The following TRHDE variants were observed in gnomAD, a reference collection of about 807,000 sequenced individuals.
TRHDE encodes thyrotropin-releasing hormone-degrading ectoenzyme.
A neutral mutation model predicts 125.7 loss-of-function variants in TRHDE; 72 were observed. The observed-to-expected ratio is 0.57, with a 90% CI of 0.47 to 0.70. The LOEUF (loss-of-function observed/expected upper bound fraction) is 0.70. Among genes scored for constraint, TRHDE ranks in the 30% least tolerant of loss-of-function variants. TRHDE has a pLI of 0.00. For missense variants in TRHDE, 1,110 were observed against 1,327.1 expected (o/e 0.84, Z 2.54); for synonymous variants, 509 against 509.1 (o/e 1.00, Z 0.00).
chr12:72,620,278 C>G (rs1865133), intron 13 of TRHDE, among the ~76,000 whole-genome samples: 3 of 127,092 alleles, frequency 2.4e-5, no homozygotes, highest in Non-Finnish European at 4.8e-5. Flanking sequence ...TGGCAAAATT[C>G]AAGAAGCACA....
intron 2 of TRHDE, among the ~76,000 whole-genome samples, chr12:72,153,327 C>T (rs933118564): frequency 5.9e-5 from 9 of 152,008 alleles, no homozygotes; most frequent in African/African-American, 2.2e-4. Flanking sequence ...ATCAATTTTG[C>T]TGATCTTTTC....
At chr12:72,302,735 A>G (rs1868280252) in intron 2 of TRHDE, among the ~76,000 whole-genome samples, 1 of 152,120 alleles carries the variant, frequency 6.6e-6, no homozygotes. Flanking sequence ...TGTTAGCTAG[A>G]TGGTAGACAC....
chr12:72,259,703 C>A (rs531976367), intron 2 of TRHDE, among the ~76,000 whole-genome samples: 29 of 152,234 alleles, frequency 1.9e-4, no homozygotes, highest in African/African-American at 6.7e-4. Flanking sequence ...AAGTGGACTC[C>A]CTGTGTGGAG....
intron 3 of TRHDE, among the ~76,000 whole-genome samples, chr12:72,450,174 A>G (rs1421184155): frequency 6.6e-6 from 1 of 152,068 alleles, no homozygotes; most frequent in Non-Finnish European, 1.5e-5. Context: ...GCAATGTACT[A>G]TATTCAGATA....
In TRHDE at chr12:72,110,421, C is replaced by CT. The variant is rs536118705; in HGVS notation, n.279+4679dup. Reference sequence around the variant, plus strand: ...GCTCAGGTCTGATGTCAAAATTCACCTTTTTTTTTTAATTGCCCCACATTT... The same window carrying CT: ...GCTCAGGTCTGATGTCAAAATTCACCTTTTTTTTTTTAATTGCCCCACATTT... On this transcript the variant is annotated intron_variant and non_coding_transcript_variant, in intron 2 of 4. Coordinates refer to the TRHDE transcript ENST00000548156. 1.5e-3 allele frequency among the ~76,000 whole-genome samples: 221 copies of CT among 147,626 alleles called. 5 individuals carry two copies. The East Asian group carries it at 0.017, about 11-fold the overall frequency.
chr12:72,558,288 T>G (rs977377123), intron 7 of TRHDE, among the ~76,000 whole-genome samples: 14 of 152,162 alleles, frequency 9.2e-5, no homozygotes, highest in African/African-American at 3.4e-4. Flanking sequence ...TGGGGAATGA[T>G]TCCTGGAGGA....
rs576752423 is a variant in TRHDE at position 72,293,560 on chromosome 12, A to G, written c.1188+6606A>G. 4.4e-4 allele frequency among the ~76,000 whole-genome samples: 67 copies of G among 152,294 alleles called. 1 individual carries two copies. Among genetic ancestry groups the G allele is most frequent in the African/African-American group, 1.6e-3 (66 of 41,568 alleles). ...TCATATGCTGGAATATGGCTGCCAA[A>G]AGTTCTCAAGTTTTGCATACTAATG... On this transcript the variant is annotated intron_variant, in intron 2 of 18. Transcript: ENST00000261180.
At chr12:72,485,125 G>A (rs1283205355) in intron 5 of TRHDE, among the ~76,000 whole-genome samples, 9 of 152,068 alleles carry the variant, frequency 5.9e-5, no homozygotes, top group East Asian at 1.9e-4. Flanking sequence ...TTCAGTCTTC[G>A]TAGGCTCTGA....
At chr12:72,155,005 A>G (rs970680911) in intron 2 of TRHDE, among the ~76,000 whole-genome samples, 14 of 152,146 alleles carry the variant, frequency 9.2e-5, no homozygotes, top group African/African-American at 2.9e-4. Flanking sequence ...ACTTGGTTCC[A>G]TTCTCCCCGT....
At chr12:72,287,103 AT>A in intron 2 of TRHDE, 149 bp downstream of exon 2, 2 of 895,974 alleles carry the variant, frequency 2.2e-6, no homozygotes, top group Non-Finnish European at 1.6e-6. Context: ...GTTTTTACAT[AT>A]TTTACTAGTT....
chr12:72,396,962 C>G (rs542308394), intron 3 of TRHDE, among the ~76,000 whole-genome samples: 1 of 152,176 alleles, frequency 6.6e-6, no homozygotes, highest in Non-Finnish European at 1.5e-5. Context: ...TTATTCAGTA[C>G]TGTGGCTTTG....
At chr12:72,361,432 A>G (rs1047808046) in intron 2 of TRHDE, among the ~76,000 whole-genome samples, 6 of 151,926 alleles carry the variant, frequency 3.9e-5, no homozygotes, top group Admixed American at 6.6e-5. Flanking sequence ...AATAAAGTGT[A>G]AAAGATAAAA....
At chr12:72,567,383 A>G (rs1370745970) in intron 9 of TRHDE, among the ~76,000 whole-genome samples, 1 of 151,900 alleles carries the variant, frequency 6.6e-6, no homozygotes, top group African/African-American at 2.4e-5. Context: ...TTGATTTTCC[A>G]TACTGGAGAT....
At chr12:72,640,021 G>A (rs1055687573) in intron 15 of TRHDE, among the ~76,000 whole-genome samples, 4 of 152,152 alleles carry the variant, frequency 2.6e-5, no homozygotes, top group African/African-American at 9.7e-5. Flanking sequence ...TTGAGCTGTG[G>A]TGGGCTCCAC....
At chr12:72,603,496 C>G (rs1207078917) in intron 12 of TRHDE, among the ~76,000 whole-genome samples, 3 of 152,002 alleles carry the variant, frequency 2.0e-5, no homozygotes, top group Admixed American at 1.3e-4. Context: ...GAGGCCTAGG[C>G]GGGCAGATCA....
At chr12:72,660,007 G>A (rs781334299) in intron 18 of TRHDE, among the ~76,000 whole-genome samples, 17 of 151,930 alleles carry the variant, frequency 1.1e-4, no homozygotes, top group Non-Finnish European at 1.8e-4. Context: ...ATGGCTGGGC[G>A]TGCTGATGTT....
chr12:72,303,532 AACTCT>A (rs1868293234), intron 2 of TRHDE, among the ~76,000 whole-genome samples: 2 of 152,256 alleles, frequency 1.3e-5, no homozygotes, highest in African/African-American at 2.4e-5. Flanking sequence ...CACATTTGTG[AACTCT>A]ACTCTAGACT....
chr12:72,137,021 A>G (rs917022124), intron 2 of TRHDE, among the ~76,000 whole-genome samples: 15 of 152,214 alleles, frequency 9.9e-5, no homozygotes, highest in Non-Finnish European at 1.8e-4. Context: ...CATCCCGGCA[A>G]TAGCGAGTGA....
At chr12:72,607,074 T>A (rs1044374347) in intron 12 of TRHDE, among the ~76,000 whole-genome samples, 1 of 152,134 alleles carries the variant, frequency 6.6e-6, no homozygotes, top group Admixed American at 6.5e-5. Context: ...TTAATATCTT[T>A]TCAAGTCTTT....
Sources: allele counts gnomAD v4.1 joint callset (sites outside exome capture counted in the v4.1 genomes callset), GRCh38; gene constraint gnomAD v4.1.1; transcripts MANE v1.5; gene names NCBI Gene and HGNC (gene_info 2026-07-23, HGNC 2026-07-21).